The following TRAPPC9 variants were observed in gnomAD, a reference collection of about 807,000 sequenced individuals.
The protein encoded by TRAPPC9 is IKK2 binding protein.
In TRAPPC9, 83 loss-of-function variants were observed where a neutral mutation model predicts 124.0. The observed-to-expected ratio is 0.67, with a 90% confidence interval of 0.56 to 0.80. The LOEUF (loss-of-function observed/expected upper bound fraction) is 0.80. Ranked by LOEUF, TRAPPC9 falls within the 30% of genes least tolerant of loss-of-function variation. The pLI, the probability that TRAPPC9 is intolerant of heterozygous loss-of-function variation, is 0.00. For synonymous variants in TRAPPC9, 638 were observed against 617.5 expected (o/e 1.03, Z -0.49); for missense variants, 1,302 against 1,508.3 (o/e 0.86, Z 2.27).
intron 15 of TRAPPC9, among the ~76,000 whole-genome samples, chr8:140,265,245 A>G (rs1230681237): frequency 6.6e-6 from 1 of 152,182 alleles, no homozygotes; most frequent in African/African-American, 2.4e-5. Flanking sequence ...CCACCTTCAG[A>G]ATGCTACTAT....
chr8:139,805,174 C>T (rs1823956540), intron 21 of TRAPPC9, among the ~76,000 whole-genome samples: 1 of 152,220 alleles, frequency 6.6e-6, no homozygotes, highest in Non-Finnish European at 1.5e-5. Context: ...CACACCAAAC[C>T]CTGCGGAGAC....
At chr8:140,438,684 C>A (rs1272236076) in intron 3 of TRAPPC9, among the ~76,000 whole-genome samples, 1 of 151,980 alleles carries the variant, frequency 6.6e-6, no homozygotes, top group African/African-American at 2.4e-5. Flanking sequence ...CCTCTCATTT[C>A]TTTTTTTATT....
intron 9 of TRAPPC9, among the ~76,000 whole-genome samples, chr8:140,319,740 T>C (rs1048420390): frequency 2.0e-5 from 3 of 152,214 alleles, no homozygotes; most frequent in Non-Finnish European, 4.4e-5. Flanking sequence ...AGTGCTGGGA[T>C]TACATGAGTG....
intron 19 of TRAPPC9, among the ~76,000 whole-genome samples, chr8:139,968,505 T>C (rs1211069459): frequency 6.6e-6 from 1 of 152,178 alleles, no homozygotes; most frequent in African/African-American, 2.4e-5. Flanking sequence ...CAGCCTGGGC[T>C]CCAGAATCAC....
intron 19 of TRAPPC9, among the ~76,000 whole-genome samples, chr8:139,955,395 G>A (rs1042152717): frequency 6.6e-6 from 1 of 151,962 alleles, no homozygotes; most frequent in Non-Finnish European, 1.5e-5. Context: ...AACCCTGGAC[G>A]GACCCAGGGG....
At chr8:140,158,860 A>G (rs1276674567) in intron 17 of TRAPPC9, among the ~76,000 whole-genome samples, 1 of 152,252 alleles carries the variant, frequency 6.6e-6, no homozygotes, top group Admixed American at 6.5e-5. Flanking sequence ...GTTGGAAACA[A>G]GAACTTATTT....
chr8:140,126,440 G>A (rs1352744899), intron 17 of TRAPPC9, among the ~76,000 whole-genome samples: 3 of 152,254 alleles, frequency 2.0e-5, no homozygotes, highest in East Asian at 1.9e-4. Context: ...CTCAAGGAAC[G>A]TCGGTGGAAG....
At chr8:140,155,129 T>TA (rs2061606719) in intron 17 of TRAPPC9, among the ~76,000 whole-genome samples, 1 of 152,212 alleles carries the variant, frequency 6.6e-6, no homozygotes, top group African/African-American at 2.4e-5. Context: ...TTCTGGGGGC[T>TA]ACAAGTTAAA....
At position 140,359,927 on chromosome 8, in the gene TRAPPC9, C is replaced by T. The variant is rs1055970490; in HGVS notation, c.1495+123G>A. On this transcript the variant is annotated intron_variant, in intron 9 of 22. Transcript: ENST00000438773. ...CATGGGGCAGGGACCTTGTCACTGA[C>T]GAAGAGCTGGGCAGCATCTTCCACC... The T allele has an allele frequency of 5.7e-6, 8 of 1,399,828 alleles. No individual in the cohort carries two copies. In the East Asian group the frequency reaches 9.4e-5, roughly 16 times the overall value. The allele number at this position is 1,399,828 out of a possible 1,614,324, so 86.7% of individuals were successfully genotyped here.
At chr8:140,005,276 A>G (rs953388077) in intron 18 of TRAPPC9, among the ~76,000 whole-genome samples, 10 of 152,196 alleles carry the variant, frequency 6.6e-5, no homozygotes, top group African/African-American at 2.4e-4. Context: ...CAGTGACACC[A>G]GGGACTCTGA....
Position 139,730,884 on chromosome 8 carries a change from G to C in TRAPPC9, c.*177C>G. 1.4e-6 allele frequency: 1 copy of C among 691,624 alleles called. No individual in the cohort carries two copies. The highest frequency in any genetic ancestry group is 1.9e-5 in the South Asian group (1 of 53,686). 42.8% of individuals were successfully genotyped at this position (691,624 alleles called of 1,614,324 possible). A position where few individuals can be genotyped will look rare whatever the true frequency, so the allele number is the denominator to read the frequency against. Reference sequence around the variant, plus strand: ...ATGGGGTGGGGCTGCCATGTCCGGGGCTTCTGCGTAGCCCAGCAAAGATGC... The same window carrying C: ...ATGGGGTGGGGCTGCCATGTCCGGGCCTTCTGCGTAGCCCAGCAAAGATGC... On this transcript the variant is annotated 3_prime_UTR_variant, in exon 23 of 23. Coordinates refer to ENST00000438773, the MANE Select transcript of TRAPPC9 (RefSeq NM_001160372.4).
chr8:139,876,528 A>T (rs576256931), intron 21 of TRAPPC9, among the ~76,000 whole-genome samples: 12 of 152,318 alleles, frequency 7.9e-5, no homozygotes, highest in African/African-American at 2.9e-4. Flanking sequence ...GGATCTGTGT[A>T]AACAACCTGC....
intron 18 of TRAPPC9, among the ~76,000 whole-genome samples, chr8:139,992,932 AAAC>A (rs1837733617): frequency 6.6e-6 from 1 of 152,186 alleles, no homozygotes; most frequent in Admixed American, 6.5e-5. Context: ...AAATATAGAA[AAAC>A]AATATTTAAA....
At chr8:140,041,203 C>A (rs189746119) in intron 17 of TRAPPC9, among the ~76,000 whole-genome samples, 326 of 152,228 alleles carry the variant, frequency 2.1e-3, no homozygotes, top group Middle Eastern at 3.4e-3. Context: ...TCCCTGGACC[C>A]ATGAAGAAGG....
intron 21 of TRAPPC9, among the ~76,000 whole-genome samples, chr8:139,761,657 T>G (rs1010233385): frequency 3.3e-5 from 5 of 152,068 alleles, no homozygotes; most frequent in Admixed American, 3.3e-4. Flanking sequence ...GCAAACTTGA[T>G]GACCTTGCCC....
chr8:139,907,183 G>A lies in TRAPPC9; in HGVS notation c.2964+2964C>T, dbSNP rs1587165928. ...GGTGAAGAGTGGGGTGAGAGCTCCC[G>A]GCAGCCCTGGGCTGCCCATCGTGTC... On this transcript the variant is annotated intron_variant, in intron 20 of 22. Transcript: ENST00000438773. The surrounding 1 kb of genome is among the most constrained non-coding windows in gnomAD (Gnocchi z 4.7). Among the ~76,000 whole-genome samples the A allele has an allele frequency of 3.9e-5, 6 of 152,164 alleles. No homozygotes were observed. The highest frequency in any genetic ancestry group is 6.5e-5 in the Admixed American group (1 of 15,300).
chr8:139,924,981 G>A (rs1832720941), intron 19 of TRAPPC9, among the ~76,000 whole-genome samples: 1 of 152,166 alleles, frequency 6.6e-6, no homozygotes, highest in Admixed American at 6.5e-5. Flanking sequence ...CAGAGCAGAC[G>A]GCCTGCAGCG....
intron 17 of TRAPPC9, among the ~76,000 whole-genome samples, chr8:140,041,354 G>A (rs984849872): frequency 7.2e-5 from 11 of 152,204 alleles, no homozygotes; most frequent in Admixed American, 2.6e-4. Context: ...TTCAAACAGC[G>A]TACACCTGCA....
chr8:139,926,617 A>T lies in TRAPPC9; in HGVS notation c.2811-16317T>A, dbSNP rs879408266. On this transcript the variant is annotated intron_variant, in intron 19 of 22. Transcript: ENST00000438773. ...TACAATGAATTAAAATAAAAAAAAA[A>T]AAAAAACTCCTGAATAGCTTGAACC... Among the ~76,000 whole-genome samples, 10 of 151,542 alleles carry T rather than the reference A, an allele frequency of 6.6e-5. No homozygotes were observed. In the South Asian group the frequency reaches 1.0e-3, roughly 16 times the overall value.
Sources: allele counts gnomAD v4.1 joint callset (sites outside exome capture counted in the v4.1 genomes callset), GRCh38; gene constraint gnomAD v4.1.1; non-coding constraint Gnocchi (gnomAD v3.1); transcripts MANE v1.5; gene names NCBI Gene and HGNC (gene_info 2026-07-23, HGNC 2026-07-21).